Variants in ATF7 observed in about 807,000 individuals in gnomAD.
ATF7 encodes the protein activating transcription factor 7.
In ATF7, 10 loss-of-function variants were observed where a neutral mutation model predicts 50.4. That is an observed-to-expected ratio of 0.20 (90% CI 0.12 to 0.34). The LOEUF (loss-of-function observed/expected upper bound fraction) is 0.34. Ranked by LOEUF, ATF7 falls within the 10% of genes least tolerant of loss-of-function variation. The pLI, the probability that ATF7 is intolerant of heterozygous loss-of-function variation, is 1.00. For missense variants in ATF7, 465 were observed against 613.9 expected (o/e 0.76, Z 2.56); for synonymous variants, 201 against 226.4 (o/e 0.89, Z 1.01).
intron 9 of ATF7, among the ~76,000 whole-genome samples, chr12:53,525,446 TA>T (rs903562575): frequency 6.6e-6 from 1 of 152,134 alleles, no homozygotes. Context: ...GACTGTGAAA[TA>T]AAAAAGTTTG....
chr12:53,556,866 T>C (rs1368930441), intron 2 of ATF7, among the ~76,000 whole-genome samples: 2 of 152,182 alleles, frequency 1.3e-5, no homozygotes, highest in Non-Finnish European at 2.9e-5. Flanking sequence ...ATAAACTTCA[T>C]TCATAGGAAA....
intron 1 of ATF7, among the ~76,000 whole-genome samples, chr12:53,609,318 C>T (rs969178703): frequency 6.6e-6 from 1 of 151,878 alleles, no homozygotes; most frequent in African/African-American, 2.4e-5. Flanking sequence ...CCACATGCAG[C>T]TAATTTTGTA....
intron 5 of ATF7, among the ~76,000 whole-genome samples, chr12:53,535,720 C>G (rs1939180789): frequency 6.6e-6 from 1 of 152,106 alleles, no homozygotes; most frequent in Non-Finnish European, 1.5e-5. Flanking sequence ...CTAGTAGATA[C>G]TTCCTTTAAA....
chr12:53,511,050 T>G (rs540921552), downstream of ATF7, among the ~76,000 whole-genome samples: 21 of 152,330 alleles, frequency 1.4e-4, no homozygotes, highest in African/African-American at 5.1e-4. Flanking sequence ...ACAGATAGCT[T>G]CTTAAGTCAT....
intron 2 of ATF7, among the ~76,000 whole-genome samples, chr12:53,587,843 A>ATATATATATATATTTTTTT: frequency 1.1e-4 from 7 of 61,566 alleles, no homozygotes; most frequent in African/African-American, 3.1e-4. Flanking sequence ...ATATATATAT[A>ATATATATATATATTTTTTT]TTTTTTTTTT....
At chr12:53,556,788 C>T (rs1446037408) in intron 2 of ATF7, among the ~76,000 whole-genome samples, 1 of 152,074 alleles carries the variant, frequency 6.6e-6, no homozygotes, top group African/African-American at 2.4e-5. Flanking sequence ...CTTGGTACGC[C>T]CTTACTCATG....
At chr12:53,536,553 A>C (rs1177162032) in intron 5 of ATF7, among the ~76,000 whole-genome samples, 2 of 151,710 alleles carry the variant, frequency 1.3e-5, no homozygotes, top group Non-Finnish European at 2.9e-5. Context: ...CTGGGATTAC[A>C]GGCATGAGCC....
chr12:53,570,832 T>C (rs975988815), intron 2 of ATF7, among the ~76,000 whole-genome samples: 6 of 151,852 alleles, frequency 4.0e-5, no homozygotes, highest in African/African-American at 1.5e-4. Context: ...GGGGCCCACC[T>C]TACTTCAGTA....
At chr12:53,565,961 C>T (rs985396614) in intron 2 of ATF7, among the ~76,000 whole-genome samples, 31 of 152,068 alleles carry the variant, frequency 2.0e-4, no homozygotes, top group Non-Finnish European at 3.8e-4. Flanking sequence ...ACAATCATGG[C>T]GGGAGGCAAA....
chr12:53,599,860 A>C (rs1275311973), intron 2 of ATF7, among the ~76,000 whole-genome samples: 1 of 152,258 alleles, frequency 6.6e-6, no homozygotes, highest in Non-Finnish European at 1.5e-5. Context: ...ATGAAGGCAA[A>C]TAAAACTTCC....
At chr12:53,528,143 G>T (rs947384903) in intron 9 of ATF7, among the ~76,000 whole-genome samples, 11 of 151,864 alleles carry the variant, frequency 7.2e-5, no homozygotes, top group African/African-American at 2.7e-4. Flanking sequence ...GCCCGGCCAA[G>T]AAATAATTTT....
chr12:53,570,415 G>C (rs1941683680), intron 2 of ATF7, among the ~76,000 whole-genome samples: 1 of 152,266 alleles, frequency 6.6e-6, no homozygotes, highest in African/African-American at 2.4e-5. Context: ...GGGGCTAAGA[G>C]GTTGGAACTT....
intron 2 of ATF7, among the ~76,000 whole-genome samples, chr12:53,554,546 C>T (rs1038757387): frequency 6.6e-6 from 1 of 152,026 alleles, no homozygotes; most frequent in East Asian, 1.9e-4. Flanking sequence ...CATGATTACA[C>T]CACTGTACTC....
intron 1 of ATF7, among the ~76,000 whole-genome samples, chr12:53,601,933 C>CA (rs1387464930): frequency 2.6e-5 from 4 of 152,154 alleles, no homozygotes; most frequent in Admixed American, 2.0e-4. Context: ...GCTAAACTCT[C>CA]AAAGTGTTTA....
At chr12:53,570,736 CGTGTGTGTGTGTGTGTGT>C (rs57842916) in intron 2 of ATF7, among the ~76,000 whole-genome samples, 2 of 143,578 alleles carry the variant, frequency 1.4e-5, no homozygotes, top group African/African-American at 2.6e-5. Context: ...CTCCTGTGTG[CGTGTGTGTGTGTGTGTGT>C]GTGTGTGTGT....
rs1225425361 is a variant in ATF7 at position 53,524,037 on chromosome 12, A to C, written c.1125+527T>G. ...ACTAGAAAAGGCAGATTAAAGAGGG[A>C]CTTTGTTTCTATTCTGTACATTTGT... is the stretch of plus-strand genomic sequence containing the variant. On this transcript the variant is annotated intron_variant, in intron 10 of 11. Coordinates refer to ENST00000420353, the MANE Select transcript of ATF7 (RefSeq NM_006856.3). This position sits in a 1 kb window ranked among gnomAD's most constrained non-coding sequence, Gnocchi z 4.6. 1.3e-5 allele frequency among the ~76,000 whole-genome samples: 2 copies of C among 152,208 alleles called. No individual in the cohort carries two copies. The highest frequency in any genetic ancestry group is 2.4e-5 in the African/African-American group (1 of 41,456).
At chr12:53,598,766 A>T (rs1229804853) in intron 2 of ATF7, among the ~76,000 whole-genome samples, 1 of 152,194 alleles carries the variant, frequency 6.6e-6, no homozygotes, top group African/African-American at 2.4e-5. Context: ...TTTCTCATAT[A>T]TTCCTTATTT....
chr12:53,578,915 T>C (rs1218950464), intron 2 of ATF7, among the ~76,000 whole-genome samples: 3 of 151,968 alleles, frequency 2.0e-5, no homozygotes, highest in Admixed American at 2.0e-4. Flanking sequence ...CAACCAAGCA[T>C]GGGAGCTTAC....
At chr12:53,546,197 A>T (rs1312993415) in intron 3 of ATF7, among the ~76,000 whole-genome samples, 1 of 139,302 alleles carries the variant, frequency 7.2e-6, no homozygotes, top group Non-Finnish European at 1.5e-5. Context: ...CATCTCAAAA[A>T]AACAAACAAA....
Sources: gnomAD v4.1 joint callset for allele counts (sites outside exome capture counted in the v4.1 genomes callset) on GRCh38, gnomAD v4.1.1 for gene constraint, Gnocchi (gnomAD v3.1) non-coding constraint, MANE v1.5 for transcripts, NCBI Gene and HGNC (gene_info 2026-07-23, HGNC 2026-07-21) for gene names.